Variants in PIK3R5 observed in about 807,000 individuals in gnomAD.
PIK3R5 encodes the protein phosphoinositide-3-kinase regulatory subunit 5, also known as phosphoinositide 3-kinase regulatory subunit 5.
PIK3R5 carries 32 observed loss-of-function variants against 94.9 expected under a neutral mutation model. The ratio of observed to expected loss-of-function variants is 0.34; its 90% CI spans 0.25 to 0.45. The LOEUF is 0.45. PIK3R5 is among the 20% of genes least tolerant of loss of function. The pLI is 1.00. For missense variants in PIK3R5, 853 were observed against 1,144.6 expected, an observed-to-expected ratio of 0.75 and a Z score of 3.68; for synonymous variants, 443 against 479.4, an observed-to-expected ratio of 0.92 and a Z score of 0.99.
chr17:8,885,724 GTAACCCCGCCCTCCCA>G (rs2089820816), intron 14 of PIK3R5, among the ~76,000 whole-genome samples: 1 of 77,722 alleles, frequency 1.3e-5, no homozygotes, highest in Non-Finnish European at 2.4e-5. Flanking sequence ...CACCTCCTGG[GTAACCCCGCCCTCCCA>G]TGGCCCCACC....
chr17:8,900,063 A>T (rs1472509583), intron 5 of PIK3R5, among the ~76,000 whole-genome samples: 2 of 151,812 alleles, frequency 1.3e-5, no homozygotes, highest in Non-Finnish European at 2.9e-5. Context: ...GTGCGAAAGT[A>T]TTTTTCAACA....
chr17:8,936,268 G>A (rs1281284833), intron 1 of PIK3R5, among the ~76,000 whole-genome samples: 1 of 152,128 alleles, frequency 6.6e-6, no homozygotes. Flanking sequence ...TGATACAAGA[G>A]TAGTCACTGA....
At chr17:8,954,249 C>CATAT (rs1017471253) in intron 1 of PIK3R5, among the ~76,000 whole-genome samples, 45 of 152,156 alleles carry the variant, frequency 3.0e-4, no homozygotes, top group African/African-American at 1.0e-3. Context: ...TGCAAAGGAC[C>CATAT]ATATGCAAAT....
In PIK3R5 at chr17:8,959,645, G is replaced by A. The variant is rs189434571; in HGVS notation, c.-14+5951C>T. Among the ~76,000 whole-genome samples the A allele has an allele frequency of 2.6e-3, 400 of 152,346 alleles. 2 individuals are homozygous for A. The highest frequency in any genetic ancestry group is 9.1e-3 in the African/African-American group (378 of 41,572). On this transcript the variant is annotated intron_variant, in intron 1 of 18. Coordinates refer to ENST00000447110, the MANE Select transcript of PIK3R5 (RefSeq NM_001142633.3). ...CAGGTTGGGTGGAAGTGGCTGTATG[G>A]AGATTTGCCTGAAAAGGGCCAAACC... is the stretch of plus-strand genomic sequence containing the variant.
intron 3 of PIK3R5, among the ~76,000 whole-genome samples, chr17:8,906,645 G>A (rs1016367876): frequency 6.6e-6 from 1 of 152,092 alleles, no homozygotes; most frequent in Admixed American, 6.6e-5. Context: ...CACTTTGGGA[G>A]GCCGAGGCAG....
intron 1 of PIK3R5, among the ~76,000 whole-genome samples, chr17:8,954,443 C>T (rs754330456): frequency 3.9e-5 from 6 of 152,186 alleles, no homozygotes; most frequent in African/African-American, 7.2e-5. Flanking sequence ...CCCTGATTGC[C>T]CCACAGCCTG....
rs549451386 is a variant in PIK3R5, at chr17:8,942,482, A to G, written c.-14+23114T>C. ...TGCAGGAGCTCTGCTCAGCCCCACC[A>G]ACACCCTGACAGGGGCAGGTTCAAA... is the stretch of plus-strand genomic sequence containing the variant. On this transcript the variant is annotated intron_variant, in intron 1 of 18. Transcript: ENST00000447110. 8.3e-4 allele frequency among the ~76,000 whole-genome samples: 127 copies of G among 152,158 alleles called. 1 individual carries two copies. Among genetic ancestry groups the G allele is most frequent in the African/African-American group, 2.8e-3 (117 of 41,500 alleles).
Position 8,884,149 on chromosome 17 carries a change from G to A in PIK3R5, c.2205+558C>T, listed in dbSNP as rs2089750935. Among the ~76,000 whole-genome samples the A allele has an allele frequency of 1.3e-5, 2 of 152,140 alleles. No individual in the cohort carries two copies. Among genetic ancestry groups the A allele is most frequent in the African/African-American group, 4.8e-5 (2 of 41,426 alleles). ...GCCCAGCACAGAGGCAGCATGGGCA[G>A]GTGCTAAGAGGATATCTTTGGAATG... On this transcript the variant is annotated intron_variant, in intron 15 of 18. Transcript: ENST00000447110. This position sits in a 1 kb window ranked among gnomAD's most constrained non-coding sequence, Gnocchi z 5.8.
At chr17:8,891,524 C>T (rs1370047778) in intron 6 of PIK3R5, among the ~76,000 whole-genome samples, 1 of 152,146 alleles carries the variant, frequency 6.6e-6, no homozygotes, top group African/African-American at 2.4e-5. Context: ...GCCACTGCTA[C>T]CTCCCTTCCC....
In PIK3R5 at chr17:8,888,127, C is replaced by T; in HGVS notation, c.1616+44G>A. ...CCCCAGATTCCACCAGCACAACAAC[C>T]CTGTTACCCAGGGCAGAGGGATGCT... On this transcript the variant is annotated intron_variant, in intron 10 of 18. Coordinates refer to ENST00000447110, the MANE Select transcript of PIK3R5 (RefSeq NM_001142633.3). The surrounding 1 kb of genome is among the most constrained non-coding windows in gnomAD (Gnocchi z 7.8). The T allele has an allele frequency of 6.2e-7, 1 of 1,601,574 alleles. No individual in the cohort carries two copies. The highest frequency in any genetic ancestry group is 8.5e-7 in the Non-Finnish European group (1 of 1,170,432).
At chr17:8,942,707 G>A (rs1384370559) in intron 1 of PIK3R5, among the ~76,000 whole-genome samples, 4 of 150,366 alleles carry the variant, frequency 2.7e-5, no homozygotes, top group South Asian at 2.1e-4. Context: ...CCGGGTTCAC[G>A]CCATTCTCCT....
rs1245188673 is a variant in PIK3R5, at chr17:8,955,765, T to C, written c.-14+9831A>G. 6.6e-6 allele frequency among the ~76,000 whole-genome samples: 1 copy of C among 151,806 alleles called. No individual in the cohort carries two copies. Among genetic ancestry groups the C allele is most frequent in the Non-Finnish European group, 1.5e-5 (1 of 67,922 alleles). On this transcript the variant is annotated intron_variant, in intron 1 of 18. Transcript: ENST00000447110. This position sits in a 1 kb window ranked among gnomAD's most constrained non-coding sequence, Gnocchi z 4.4. Reference sequence around the variant, plus strand: ...GATGGAGGGAGGACTCGGAGATGAGTCCAAGGTTTCAAGGCTGGGAGTCTG... The same window carrying C: ...GATGGAGGGAGGACTCGGAGATGAGCCCAAGGTTTCAAGGCTGGGAGTCTG...
rs1269732759 is a variant in PIK3R5, at chr17:8,935,030, T to A, written c.-13-23523A>T. 6.6e-6 allele frequency among the ~76,000 whole-genome samples: 1 copy of A among 152,212 alleles called. No individual in the cohort carries two copies. Among genetic ancestry groups the A allele is most frequent in the African/African-American group, 2.4e-5 (1 of 41,450 alleles). On this transcript the variant is annotated intron_variant, in intron 1 of 18. Coordinates refer to ENST00000447110, the MANE Select transcript of PIK3R5 (RefSeq NM_001142633.3). This position sits in a 1 kb window ranked among gnomAD's most constrained non-coding sequence, Gnocchi z 4.5. Reference sequence around the variant, plus strand: ...TTCCACCATGTTCCCCTGTTTCTGATGTGGATCTTAATATGCATTCTTCTG... The same window carrying A: ...TTCCACCATGTTCCCCTGTTTCTGAAGTGGATCTTAATATGCATTCTTCTG...
rs1300970464 is a variant in PIK3R5 at position 8,945,799 on chromosome 17, T to G, written c.-14+19797A>C. On this transcript the variant is annotated intron_variant, in intron 1 of 18. Coordinates refer to ENST00000447110, the MANE Select transcript of PIK3R5 (RefSeq NM_001142633.3). This position sits in a 1 kb window ranked among gnomAD's most constrained non-coding sequence, Gnocchi z 4.0. ...TTGTGACTGCCACAATCAAAACAGA[T>G]TATAGCGGAAGTGATGCTGTGTGGC... 6.6e-6 allele frequency among the ~76,000 whole-genome samples: 1 copy of G among 152,116 alleles called. No homozygotes were observed. Among genetic ancestry groups the G allele is most frequent in the Non-Finnish European group, 1.5e-5 (1 of 68,016 alleles).
At chr17:8,943,500 C>T (rs139726762) in intron 1 of PIK3R5, among the ~76,000 whole-genome samples, 2,194 of 150,826 alleles carry the variant, frequency 0.015, 26 homozygotes, top group Non-Finnish European at 0.023. Flanking sequence ...TGGCTGGGCG[C>T]GGTGGCTCAT....
rs61761139 is a variant in PIK3R5 at position 8,880,406 on chromosome 17, C to G, written c.*233G>C. On this transcript the variant is annotated 3_prime_UTR_variant, in exon 19 of 19. Coordinates refer to ENST00000447110, the MANE Select transcript of PIK3R5 (RefSeq NM_001142633.3). ...TTACCCATCCTTCTCCTTCTACTGCCAGGAATCTAAGAGGCTATGGGGTCT... is the reference window on the plus strand; with the variant it reads ...TTACCCATCCTTCTCCTTCTACTGCGAGGAATCTAAGAGGCTATGGGGTCT... 2,164 of 429,478 alleles carry G rather than the reference C, an allele frequency of 5.0e-3. 47 individuals are homozygous for G. Among genetic ancestry groups the G allele is most frequent in the African/African-American group, 0.039 (1,954 of 49,712 alleles). The allele number at this position is 429,478 out of a possible 1,614,324, so 26.6% of individuals were successfully genotyped here.
chr17:8,915,413 C>CAAAAAAAAAA (rs201916256), intron 1 of PIK3R5, among the ~76,000 whole-genome samples: 1 of 104,032 alleles, frequency 9.6e-6, no homozygotes, highest in African/African-American at 3.4e-5. Context: ...GACTCTGTCT[C>CAAAAAAAAAA]AAAAAAAAAA....
chr17:8,906,829 G>A (rs1435596948), intron 3 of PIK3R5, among the ~76,000 whole-genome samples: 1 of 152,124 alleles, frequency 6.6e-6, no homozygotes, highest in Non-Finnish European at 1.5e-5. Context: ...AGTGCAACTA[G>A]AATTTCACCT....
At position 8,882,172 on chromosome 17, in the gene PIK3R5, G is replaced by A; in HGVS notation, c.2206-291C>T. ...TCCTGAAGCTCTCCTGCCGGGCCCA[G>A]AGTGAAGAAGGGTTGGGCCCACAGA... On this transcript the variant is annotated intron_variant, in intron 15 of 18. Transcript: ENST00000447110. This position sits in a 1 kb window ranked among gnomAD's most constrained non-coding sequence, Gnocchi z 4.1. 1 of 416,948 alleles carries A rather than the reference G, an allele frequency of 2.4e-6. No individual in the cohort carries two copies. 25.8% of individuals were successfully genotyped at this position (416,948 alleles called of 1,614,324 possible).
Sources: gnomAD v4.1 joint callset for allele counts (sites outside exome capture counted in the v4.1 genomes callset) on GRCh38, gnomAD v4.1.1 for gene constraint, Gnocchi (gnomAD v3.1) non-coding constraint, MANE v1.5 for transcripts, NCBI Gene and HGNC (gene_info 2026-07-23, HGNC 2026-07-21) for gene names.